The following FMNL3 variants were observed in gnomAD, a reference collection of about 807,000 sequenced individuals.
FMNL3 encodes formin like 3, also known as formin-like protein 3.
Under a neutral mutation model 119.6 loss-of-function variants are expected in FMNL3, and 57 were observed. That is an observed-to-expected ratio of 0.48 (90% CI 0.39 to 0.59). The LOEUF is 0.59. Among genes scored for constraint, FMNL3 ranks in the 20% least tolerant of loss-of-function variants. The pLI is 0.00. For synonymous variants in FMNL3, 491 were observed against 507.3 expected (o/e 0.97, Z 0.43); for missense variants, 1,053 against 1,323.5 (o/e 0.80, Z 3.17).
At position 49,648,346 on chromosome 12, in the gene FMNL3, C is replaced by T. The variant is rs1163326149; in HGVS notation, c.2523G>A (p.Leu841=). ...CCTTCACGTCCAGCAGCACGTTCTC[C>T]AGGGACACTGGTCACCAAAAGCCTG... ...HFVEKAAAVS[L]ENVLLDVKEL... Residue 841 remains leucine, a synonymous_variant, in exon 22 of 26, where the codon CTG becomes CTA. Transcript: ENST00000335154. The T allele has an allele frequency of 3.1e-6, 5 of 1,611,382 alleles. No individual in the cohort carries two copies. The highest frequency in any genetic ancestry group is 1.1e-5 in the South Asian group (1 of 90,804).
At chr12:49,665,068 T>C (rs115217606) in intron 4 of FMNL3, among the ~76,000 whole-genome samples, 2,157 of 152,152 alleles carry the variant, frequency 0.014, 50 homozygotes, top group African/African-American at 0.048. Flanking sequence ...TACGCACACA[T>C]ATACACACTT....
intron 2 of FMNL3, 29 bp downstream of exon 2, chr12:49,668,442 A>G: frequency 6.2e-7 from 1 of 1,605,896 alleles, no homozygotes; most frequent in East Asian, 2.2e-5. Context: ...ACAACTCCCT[A>G]CCTCCCTCCT....
intron 1 of FMNL3, among the ~76,000 whole-genome samples, chr12:49,692,753 A>C (rs1419375106): frequency 6.6e-6 from 1 of 152,248 alleles, no homozygotes; most frequent in African/African-American, 2.4e-5. Context: ...CACTGAATCA[A>C]CAATCTGGGA....
At position 49,643,351 on chromosome 12, in the gene FMNL3, T is replaced by C. The variant is rs1942924416; in HGVS notation, c.*2464A>G. ...TTGATTCAGTTGAAAGTGGGGGTGC[T>C]GCCCTTGGAGGACGGGGCTCCCCTT... On this transcript the variant is annotated 3_prime_UTR_variant, in exon 26 of 26. Transcript: ENST00000335154. 6.3e-7 allele frequency: 1 copy of C among 1,598,486 alleles called. No homozygotes were observed. The highest frequency in any genetic ancestry group is 8.5e-7 in the Non-Finnish European group (1 of 1,173,094).
Position 49,654,253 on chromosome 12 carries a change from A to C in FMNL3, c.1010T>G (p.Met337Arg). 6.2e-7 allele frequency: 1 copy of C among 1,614,140 alleles called. No homozygotes were observed. Reference sequence around the variant, plus strand: ...ATACTGCAGGTGGACCCGGAAGTTCATGTCCTCCACCGAGTGCACCACGAT... The same window carrying C: ...ATACTGCAGGTGGACCCGGAAGTTCCTGTCCTCCACCGAGTGCACCACGAT... The part of the protein sequence containing the change: ...INIVVHSVED[M>R]NFRVHLQYEF... The change falls in exon 11 of 26, where the codon ATG becomes AGG. Residue 337 changes from methionine to arginine, a missense_variant. Around this residue, in one of 4 missense-constraint regions of FMNL3, gnomAD observed 445 missense variants for 628.4 expected, o/e 0.71. Transcript: ENST00000335154.
intron 1 of FMNL3, among the ~76,000 whole-genome samples, chr12:49,671,131 C>T (rs1944034555): frequency 6.6e-6 from 1 of 152,246 alleles, no homozygotes; most frequent in Non-Finnish European, 1.5e-5. Context: ...CTCCCTCAGC[C>T]ACCCACTGTC....
At chr12:49,694,418 A>G (rs557297625) in intron 1 of FMNL3, among the ~76,000 whole-genome samples, 2 of 152,266 alleles carry the variant, frequency 1.3e-5, no homozygotes, top group South Asian at 2.1e-4. Context: ...TATTCCTTAC[A>G]TGCACCTTCC....
Position 49,647,168 on chromosome 12 carries a change from C to T in FMNL3, c.2871+108G>A. 1 of 1,553,962 alleles carries T rather than the reference C, an allele frequency of 6.4e-7. No homozygotes were observed. On this transcript the variant is annotated intron_variant, in intron 24 of 25. Coordinates refer to ENST00000335154, the MANE Select transcript of FMNL3 (RefSeq NM_175736.5). This position sits in a 1 kb window ranked among gnomAD's most constrained non-coding sequence, Gnocchi z 4.9. ...CTCTGGATGCCAGCCCACTGGCCCT[C>T]TGGGTGGTCTGTCCACTCCAAGTTT...
Position 49,648,303 on chromosome 12 carries a change from C to T in FMNL3, c.2566G>A (p.Glu856Lys), listed in dbSNP as rs369982116. Residue 856 changes from glutamate (E) to lysine (K), a missense_variant, in exon 22 of 26, where the codon GAG becomes AAG. Glu to Lys is a moderately conservative substitution (Grantham distance 56). Transcript: ENST00000335154. Reference protein sequence around the residue: ...LDVKELGRGMELIRRECSIHD... With the variant: ...LDVKELGRGMKLIRRECSIHD... ...ATGCTGCACTCACGCCGAATCAGCT[C>T]CATGCCCCGGCCCAGCTCCTTCACG... is the stretch of plus-strand genomic sequence containing the variant. 2.5e-6 allele frequency: 4 copies of T among 1,613,604 alleles called. No individual in the cohort carries two copies. The African/African-American group carries it at 5.3e-5, about 22-fold the overall frequency.
chr12:49,669,831 C>CAACAAAACAAAACAAAACAAAACAA (rs58452472), intron 1 of FMNL3, among the ~76,000 whole-genome samples: 1 of 147,600 alleles, frequency 6.8e-6, no homozygotes, highest in African/African-American at 2.5e-5. Flanking sequence ...GATTCTATCT[C>CAACAAAACAAAACAAAACAAAACAA]AACAAAACAA....
At chr12:49,655,497 G>A (rs1055783415) in intron 9 of FMNL3, among the ~76,000 whole-genome samples, 3 of 152,172 alleles carry the variant, frequency 2.0e-5, no homozygotes, top group African/African-American at 7.2e-5. Context: ...CCACCAAATT[G>A]CTGAGGGAAT....
At chr12:49,675,334 A>G (rs989555304) in intron 1 of FMNL3, among the ~76,000 whole-genome samples, 10 of 152,178 alleles carry the variant, frequency 6.6e-5, no homozygotes, top group East Asian at 1.9e-4. Context: ...CCAGACCCAC[A>G]CACTCCCCAG....
Position 49,647,273 on chromosome 12 carries a change from C to T in FMNL3, c.2871+3G>A, listed in dbSNP as rs1195337268. ...CCAGGCCCCAGCTCTTGGTCCCACC[C>T]ACCTTGGCATCCAGTTTCTTGGCTT... On this transcript the variant is annotated splice_donor_region_variant and intron_variant, in intron 24 of 25. Coordinates refer to ENST00000335154, the MANE Select transcript of FMNL3 (RefSeq NM_175736.5). This position sits in a 1 kb window ranked among gnomAD's most constrained non-coding sequence, Gnocchi z 4.9. 1 of 1,614,044 alleles carries T rather than the reference C, an allele frequency of 6.2e-7. No individual in the cohort carries two copies.
Position 49,649,144 on chromosome 12 carries a change from C to T in FMNL3, c.2400G>A (p.Lys800=). ...GCAGTGTCATCTTCCGGTCAGTGGA[C>T]TTGGTATCCAGCAGCTAGGAGAGGG... The part of the protein sequence containing the change: ...LQSLDLLLDT[K]STDRKMTLLH... The change falls in exon 21 of 26, where the codon AAG becomes AAA. Residue 800 remains lysine (K), a synonymous_variant. Transcript: ENST00000335154. The surrounding 1 kb of genome is among the most constrained non-coding windows in gnomAD (Gnocchi z 5.6). The T allele has an allele frequency of 6.2e-7, 1 of 1,613,096 alleles. No individual in the cohort carries two copies. Among genetic ancestry groups the T allele is most frequent in the East Asian group, 2.2e-5 (1 of 44,886 alleles).
In FMNL3 at chr12:49,642,395, A is replaced by C. The variant is rs1312916042; in HGVS notation, c.*3420T>G. 1 of 1,612,168 alleles carries C rather than the reference A, an allele frequency of 6.2e-7. No homozygotes were observed. Reference sequence around the variant, plus strand: ...GAGGTCAGGAGCGTAGCCTGGCCCCAAGCACCCCTCAAGCCTGAGGGCAGC... The same window carrying C: ...GAGGTCAGGAGCGTAGCCTGGCCCCCAGCACCCCTCAAGCCTGAGGGCAGC... On this transcript the variant is annotated 3_prime_UTR_variant, in exon 26 of 26. Coordinates refer to ENST00000335154, the MANE Select transcript of FMNL3 (RefSeq NM_175736.5). The surrounding 1 kb of genome is among the most constrained non-coding windows in gnomAD (Gnocchi z 5.8).
Position 49,641,867 on chromosome 12 carries a change from G to A in FMNL3, c.*3948C>T, listed in dbSNP as rs771890161. The A allele has an allele frequency of 3.0e-5, 47 of 1,576,428 alleles. No individual in the cohort carries two copies. Among genetic ancestry groups the A allele is most frequent in the Non-Finnish European group, 3.8e-5 (44 of 1,149,414 alleles). On this transcript the variant is annotated 3_prime_UTR_variant, in exon 26 of 26. Transcript: ENST00000335154. The stretch of plus-strand genomic sequence containing the variant: ...ACTCTGCCTGCCAGCTTTGGCCTCA[G>A]GCACGTGGTGCCCCTGCTTCATGCA...
Position 49,644,514 on chromosome 12 carries a change from C to G in FMNL3, c.*1301G>C. 1 of 363,530 alleles carries G rather than the reference C, an allele frequency of 2.8e-6. No homozygotes were observed. The highest frequency in any genetic ancestry group is 3.9e-4 in the Middle Eastern group (1 of 2,590). The allele number at this position is 363,530 out of a possible 1,614,324, so 22.5% of individuals were successfully genotyped here. ...AGAGTCACAGGCTGTTGGACGCAGC[C>G]TGGGTGGCAGAGGGCAGGGTCATCA... is the stretch of plus-strand genomic sequence containing the variant. On this transcript the variant is annotated 3_prime_UTR_variant, in exon 26 of 26. Coordinates refer to ENST00000335154, the MANE Select transcript of FMNL3 (RefSeq NM_175736.5).
Position 49,636,652 on chromosome 12 carries a change from G to T in FMNL3, c.*9163C>A. On this transcript the variant is annotated 3_prime_UTR_variant, in exon 26 of 26. Transcript: ENST00000335154. Reference sequence around the variant, plus strand: ...GGACAGCATCGTTGAAACATTAGGGGTGCTGGGGTCTGAGAGGGTATCCTG... The same window carrying T: ...GGACAGCATCGTTGAAACATTAGGGTTGCTGGGGTCTGAGAGGGTATCCTG... 1.2e-6 allele frequency: 2 copies of T among 1,604,104 alleles called. No homozygotes were observed. Among genetic ancestry groups the T allele is most frequent in the South Asian group, 1.1e-5 (1 of 90,898 alleles).
At chr12:49,694,221 A>AT (rs963955686) in intron 1 of FMNL3, among the ~76,000 whole-genome samples, 8 of 152,154 alleles carry the variant, frequency 5.3e-5, no homozygotes, top group Non-Finnish European at 1.2e-4. Context: ...CGCCCAGCCT[A>AT]TTTTTGGAGA....
Sources: allele counts gnomAD v4.1 joint callset (sites outside exome capture counted in the v4.1 genomes callset), GRCh38; gene constraint gnomAD v4.1.1; regional missense constraint gnomAD v4.1.1; non-coding constraint Gnocchi (gnomAD v3.1); transcripts MANE v1.5; gene names NCBI Gene and HGNC (gene_info 2026-07-23, HGNC 2026-07-21).